LYAR: variants seen among roughly 807,000 people sequenced by gnomAD.
LYAR encodes the protein cell growth-regulating nucleolar protein.
Under a neutral mutation model 45.2 loss-of-function variants are expected in LYAR, and 37 were observed. The observed-to-expected ratio is 0.82, with a 90% CI of 0.63 to 1.08. The LOEUF is 1.08. Among genes scored for constraint, LYAR ranks in the 50% least tolerant of loss-of-function variants. LYAR has a pLI of 0.00. For missense variants in LYAR, 493 were observed against 451.0 expected (o/e 1.09, Z -0.84); for synonymous variants, 176 against 155.1 (o/e 1.14, Z -1.00).
intron 6 of LYAR, among the ~76,000 whole-genome samples, chr4:4,276,245 T>C (rs1216207314): frequency 6.6e-6 from 1 of 152,136 alleles, no homozygotes; most frequent in East Asian, 1.9e-4. Flanking sequence ...CCGTCTCTGT[T>C]AGTCTAGCCA....
At chr4:4,288,646 C>T (rs1011285732) in intron 1 of LYAR, among the ~76,000 whole-genome samples, 3 of 151,984 alleles carry the variant, frequency 2.0e-5, no homozygotes, top group African/African-American at 4.8e-5. Flanking sequence ...CCACCATGCC[C>T]GGCTAATTTT....
chr4:4,287,031 G>A (rs1000830993), intron 1 of LYAR, among the ~76,000 whole-genome samples: 2 of 152,182 alleles, frequency 1.3e-5, no homozygotes, highest in African/African-American at 4.8e-5. Flanking sequence ...ACTGCATTAA[G>A]ATTTTGAGGA....
rs769377491 is a variant in LYAR at position 4,290,131 on chromosome 4, C to A, written c.-203G>T. On this transcript the variant is annotated 5_prime_UTR_variant, in exon 1 of 10. Transcript: ENST00000343470. ...GCGCCGCAGCTACCTGCCTCTCAGG[C>A]TTCGCGGTGCAGAATTCGCTTCTGA... The A allele has an allele frequency of 6.6e-6, 1 of 152,494 alleles. No homozygotes were observed. The highest frequency in any genetic ancestry group is 1.5e-5 in the Non-Finnish European group (1 of 68,198). 9.4% of individuals were successfully genotyped at this position (152,494 alleles called of 1,614,324 possible).
intron 8 of LYAR, among the ~76,000 whole-genome samples, chr4:4,272,154 C>T (rs758450472): frequency 1.3e-5 from 2 of 152,142 alleles, no homozygotes; most frequent in Admixed American, 6.5e-5. Flanking sequence ...GAAATGGAAG[C>T]GTATCCATGT....
rs536817096 is a variant in LYAR at position 4,268,671 on chromosome 4, G to C, written c.920-56C>G. 15 of 1,196,640 alleles carry C rather than the reference G, an allele frequency of 1.3e-5. No homozygotes were observed. The African/African-American group carries it at 1.9e-4, about 15-fold the overall frequency. 74.1% of individuals were successfully genotyped at this position (1,196,640 alleles called of 1,614,324 possible). On this transcript the variant is annotated intron_variant, in intron 8 of 9. Coordinates refer to ENST00000343470, the MANE Select transcript of LYAR (RefSeq NM_017816.3). Reference sequence around the variant, plus strand: ...TTCGTTTTGTTGTACTACGAGAAGGGTAAAGAAACAACTTCTGCAACACCT... The same window carrying C: ...TTCGTTTTGTTGTACTACGAGAAGGCTAAAGAAACAACTTCTGCAACACCT...
At position 4,290,150 on chromosome 4, in the gene LYAR, C is replaced by T. The variant is rs1002172008; in HGVS notation, c.-222G>A. 2.6e-5 allele frequency: 4 copies of T among 152,116 alleles called. No homozygotes were observed. The highest frequency in any genetic ancestry group is 6.5e-5 in the Admixed American group (1 of 15,270). The allele number at this position is 152,116 out of a possible 1,614,324, so 9.4% of individuals were successfully genotyped here. ...CTCAGGCTTCGCGGTGCAGAATTCG[C>T]TTCTGAACCACCCAGCGCGCCTGCG... is the stretch of plus-strand genomic sequence containing the variant. On this transcript the variant is annotated 5_prime_UTR_variant, in exon 1 of 10. Transcript: ENST00000343470.
At chr4:4,286,788 A>G (rs1242163817) in intron 1 of LYAR, among the ~76,000 whole-genome samples, 3 of 151,900 alleles carry the variant, frequency 2.0e-5, no homozygotes, top group Non-Finnish European at 4.4e-5. Flanking sequence ...CTGGGATTAC[A>G]GGCATCCGCC....
At chr4:4,272,281 T>C (rs557011102) in intron 8 of LYAR, among the ~76,000 whole-genome samples, 1 of 152,290 alleles carries the variant, frequency 6.6e-6, no homozygotes, top group South Asian at 2.1e-4. Flanking sequence ...TTCTTACAAC[T>C]GCATGTGAGT....
At chr4:4,271,248 A>G (rs1718919586) in intron 8 of LYAR, among the ~76,000 whole-genome samples, 1 of 152,146 alleles carries the variant, frequency 6.6e-6, no homozygotes, top group Non-Finnish European at 1.5e-5. Context: ...GATCCCACAA[A>G]TAAGTGAAAA....
At chr4:4,283,952 CTAACAT>C (rs1719504731) in intron 2 of LYAR, among the ~76,000 whole-genome samples, 157 bp from the exon 3 acceptor site, 1 of 152,194 alleles carries the variant, frequency 6.6e-6, no homozygotes, top group Non-Finnish European at 1.5e-5. Context: ...ATAAGTAAAA[CTAACAT>C]TAACAATGAG....
Position 4,283,789 on chromosome 4 carries a change from TCTTGTC to T in LYAR, c.-53_-48del. 6.7e-7 allele frequency: 1 copy of T among 1,500,148 alleles called. No individual in the cohort carries two copies. Among genetic ancestry groups the T allele is most frequent in the Admixed American group, 2.0e-5 (1 of 51,194 alleles). The allele number at this position is 1,500,148 out of a possible 1,614,324, so 92.9% of individuals were successfully genotyped here. On this transcript the variant is annotated splice_region_variant and 5_prime_UTR_variant, in exon 3 of 10. It removes the in-frame stop codon of an upstream open reading frame in the 5' UTR. Coordinates refer to ENST00000343470, the MANE Select transcript of LYAR (RefSeq NM_017816.3). ...TTCTCTATCCAAGACAGGTTTTAAG[TCTTGTC>T]CTAAGGAAAAAAAGACAATTATAAT...
At chr4:4,281,112 ACT>A (rs1231994229) in intron 4 of LYAR, among the ~76,000 whole-genome samples, 3 of 152,216 alleles carry the variant, frequency 2.0e-5, no homozygotes, top group African/African-American at 7.2e-5. Context: ...AATTCTAATG[ACT>A]GGCAGATGTG....
chr4:4,268,387 G>T, intron 9 of LYAR, 143 bp downstream of exon 9: 1 of 639,864 alleles, frequency 1.6e-6, no homozygotes, highest in Non-Finnish European at 2.7e-6. Context: ...GCTGTGTGGG[G>T]CTTTGGAGCA....
chr4:4,287,349 A>G (rs1228658881), intron 1 of LYAR, among the ~76,000 whole-genome samples: 1 of 152,158 alleles, frequency 6.6e-6, no homozygotes, highest in Non-Finnish European at 1.5e-5. Flanking sequence ...CTGAATGCTG[A>G]CACTATCCTA....
At chr4:4,289,223 C>A (rs1304398766) in intron 1 of LYAR, among the ~76,000 whole-genome samples, 1 of 152,178 alleles carries the variant, frequency 6.6e-6, no homozygotes, top group Non-Finnish European at 1.5e-5. Context: ...AACTGAGGCA[C>A]AGAAGCCATT....
rs139653868 is a variant in LYAR at position 4,281,816 on chromosome 4, G to C, written c.204C>G (p.His68Gln). The change falls in exon 4 of 10, where the codon CAC becomes CAG. Residue 68 changes from histidine (H) to glutamine (Q), a missense_variant. Coordinates refer to ENST00000343470, the MANE Select transcript of LYAR (RefSeq NM_017816.3). The stretch of plus-strand genomic sequence containing the variant: ...ACGCCTGCTGTTTGATGTCGCCTTT[G>C]TGGGTTTTACCTTCATAGCCTTTGC... The part of the protein sequence containing the change: ...YGGKGYEGKT[H>Q]KGDIKQQAWI... 1 of 1,614,144 alleles carries C rather than the reference G, an allele frequency of 6.2e-7. No homozygotes were observed. Among genetic ancestry groups the C allele is most frequent in the African/African-American group, 1.3e-5 (1 of 75,052 alleles).
At chr4:4,272,744 G>C (rs1334437834) in intron 8 of LYAR, among the ~76,000 whole-genome samples, 1 of 152,176 alleles carries the variant, frequency 6.6e-6, no homozygotes, top group East Asian at 1.9e-4. Context: ...GGACACTACT[G>C]TTTACTAAGT....
At chr4:4,289,084 G>C (rs1223314933) in intron 1 of LYAR, among the ~76,000 whole-genome samples, 1 of 152,170 alleles carries the variant, frequency 6.6e-6, no homozygotes, top group Non-Finnish European at 1.5e-5. Context: ...CCACCATCCT[G>C]CCTAAACCTT....
intron 4 of LYAR, among the ~76,000 whole-genome samples, chr4:4,281,123 T>G (rs1056472751): frequency 6.6e-6 from 1 of 152,212 alleles, no homozygotes; most frequent in Non-Finnish European, 1.5e-5. Flanking sequence ...CTGGCAGATG[T>G]GACAGATTAA....
Sources: allele counts gnomAD v4.1 joint callset (sites outside exome capture counted in the v4.1 genomes callset), GRCh38; gene constraint gnomAD v4.1.1; transcripts MANE v1.5; gene names NCBI Gene and HGNC (gene_info 2026-07-23, HGNC 2026-07-21).